Variants in AKAP7 observed in about 807,000 individuals in gnomAD.
AKAP7 encodes A-kinase anchoring protein 7, also known as A kinase (PRKA) anchor protein 7.
In AKAP7, 39 loss-of-function variants were observed where a neutral mutation model predicts 39.5. The ratio of observed to expected loss-of-function variants is 0.99; its 90% confidence interval spans 0.76 to 1.29. The LOEUF (loss-of-function observed/expected upper bound fraction) is 1.29. Ranked by LOEUF, AKAP7 falls within the 50% of genes most tolerant of loss-of-function variation. The pLI is 0.00. For synonymous variants in AKAP7, 140 were observed against 139.1 expected, an observed-to-expected ratio of 1.01 and a Z score of -0.05; for missense variants, 414 against 407.7, an observed-to-expected ratio of 1.02 and a Z score of -0.13.
intron 7 of AKAP7, among the ~76,000 whole-genome samples, chr6:131,246,610 C>CTT (rs1812025123): frequency 6.6e-6 from 1 of 152,084 alleles, no homozygotes; most frequent in East Asian, 1.9e-4. Context: ...GGCCATTCTG[C>CTT]TATTTCTGTG....
At chr6:131,170,647 A>G (rs1027201793) in intron 5 of AKAP7, among the ~76,000 whole-genome samples, 2 of 152,230 alleles carry the variant, frequency 1.3e-5, no homozygotes, top group African/African-American at 4.8e-5. Flanking sequence ...CAGTTTAATA[A>G]TTGCCCATTT....
chr6:131,153,250 CAATA>C (rs1388654279), intron 2 of AKAP7, among the ~76,000 whole-genome samples: 12 of 152,056 alleles, frequency 7.9e-5, no homozygotes, highest in African/African-American at 2.9e-4. Context: ...TGTACTGTAG[CAATA>C]AATACAGGAT....
intron 6 of AKAP7, among the ~76,000 whole-genome samples, chr6:131,203,629 A>G (rs1253310084): frequency 6.6e-6 from 1 of 152,140 alleles, no homozygotes; most frequent in Non-Finnish European, 1.5e-5. Context: ...CCATCCTGCA[A>G]CCCACTTCCT....
the AKAP7 span, among the ~76,000 whole-genome samples, chr6:131,128,690 C>G: frequency 6.6e-6 from 1 of 151,742 alleles, no homozygotes; most frequent in Admixed American, 6.6e-5. Flanking sequence ...GGCGTGGTGG[C>G]GTGTGCCTGT....
intron 6 of AKAP7, among the ~76,000 whole-genome samples, chr6:131,216,963 CTT>C (rs766653568): frequency 6.6e-5 from 10 of 152,176 alleles, no homozygotes; most frequent in African/African-American, 9.7e-5. Context: ...AATCCTAACT[CTT>C]AGCCTTTATA....
intron 7 of AKAP7, among the ~76,000 whole-genome samples, chr6:131,266,463 C>T (rs1173962713): frequency 6.6e-6 from 1 of 152,158 alleles, no homozygotes; most frequent in Non-Finnish European, 1.5e-5. Context: ...AGTTCCATTT[C>T]CTACAGTAAG....
At chr6:131,223,483 G>A (rs1391886293) in intron 7 of AKAP7, among the ~76,000 whole-genome samples, 2 of 152,158 alleles carry the variant, frequency 1.3e-5, no homozygotes, top group African/African-American at 4.8e-5. Context: ...TATTCAGTAT[G>A]TCGTTTGAAT....
chr6:131,260,053 G>T (rs1168159546), intron 7 of AKAP7, among the ~76,000 whole-genome samples: 1 of 148,586 alleles, frequency 6.7e-6, no homozygotes, highest in African/African-American at 2.5e-5. Flanking sequence ...TGTGGTGTTT[G>T]TTTTTTTTTT....
chr6:131,140,344 T>A (rs1297452732), intron 1 of AKAP7, among the ~76,000 whole-genome samples: 1 of 152,236 alleles, frequency 6.6e-6, no homozygotes, highest in Non-Finnish European at 1.5e-5. Flanking sequence ...TGATTCTCTC[T>A]TTGGTATAGC....
chr6:131,132,223 G>C (rs2128220301), upstream of AKAP7, among the ~76,000 whole-genome samples: 1 of 151,876 alleles, frequency 6.6e-6, no homozygotes, highest in African/African-American at 2.4e-5. Flanking sequence ...AGAGCAGGGA[G>C]AATGGCGGGA....
At chr6:131,157,992 A>G (rs930405240) in intron 2 of AKAP7, among the ~76,000 whole-genome samples, 2 of 152,216 alleles carry the variant, frequency 1.3e-5, no homozygotes. Flanking sequence ...GAAAGAAAAC[A>G]TATCTATTTC....
intron 6 of AKAP7, among the ~76,000 whole-genome samples, chr6:131,206,811 C>A (rs528800495): frequency 2.5e-4 from 37 of 146,546 alleles, no homozygotes; most frequent in African/African-American, 8.2e-4. Context: ...CTATCTATCT[C>A]TGCATATTTT....
At chr6:131,274,336 A>G (rs983199373) in intron 7 of AKAP7, among the ~76,000 whole-genome samples, 1 of 152,070 alleles carries the variant, frequency 6.6e-6, no homozygotes, top group Admixed American at 6.6e-5. Flanking sequence ...TTATTTCTGC[A>G]TTCGTTTTCT....
chr6:131,146,808 G>T (rs943790790), intron 2 of AKAP7, among the ~76,000 whole-genome samples: 2 of 152,172 alleles, frequency 1.3e-5, no homozygotes, highest in Non-Finnish European at 2.9e-5. Context: ...AGAACTAGTT[G>T]TAGAATCTGG....
intron 7 of AKAP7, among the ~76,000 whole-genome samples, chr6:131,220,308 T>C (rs1809588874): frequency 6.6e-6 from 1 of 152,196 alleles, no homozygotes; most frequent in Non-Finnish European, 1.5e-5. Flanking sequence ...GGTTCATACA[T>C]AAATGCATCT....
At chr6:131,223,717 A>G (rs917139320) in intron 7 of AKAP7, among the ~76,000 whole-genome samples, 4 of 152,204 alleles carry the variant, frequency 2.6e-5, no homozygotes, top group African/African-American at 7.2e-5. Flanking sequence ...GGCCAACCTT[A>G]TAAGAATTGC....
intron 7 of AKAP7, among the ~76,000 whole-genome samples, chr6:131,251,229 C>CT (rs1443291466): frequency 1.3e-5 from 2 of 152,200 alleles, no homozygotes; most frequent in South Asian, 2.1e-4. Context: ...GAAAAGACAA[C>CT]TTAAAGTGGT....
At chr6:131,183,897 G>C (rs1233176953) in intron 5 of AKAP7, among the ~76,000 whole-genome samples, 1 of 152,120 alleles carries the variant, frequency 6.6e-6, no homozygotes, top group Non-Finnish European at 1.5e-5. Flanking sequence ...AGCTGCCTTG[G>C]GCAGAGGCTC....
At chr6:131,138,617 T>C (rs1446929051) in intron 1 of AKAP7, among the ~76,000 whole-genome samples, 2 of 152,216 alleles carry the variant, frequency 1.3e-5, no homozygotes, top group African/African-American at 4.8e-5. Flanking sequence ...AGTCAGTGTA[T>C]AATAAGGTGG....
Sources: gnomAD v4.1 joint callset for allele counts (sites outside exome capture counted in the v4.1 genomes callset) on GRCh38, gnomAD v4.1.1 for gene constraint, MANE v1.5 for transcripts, NCBI Gene and HGNC (gene_info 2026-07-23, HGNC 2026-07-21) for gene names.